The following EPHB1 variants were observed in gnomAD, a reference collection of about 807,000 sequenced individuals.
EPHB1 encodes ephrin type-B receptor 1.
In EPHB1, 30 loss-of-function variants were observed where a neutral mutation model predicts 94.4. The observed-to-expected ratio is 0.32, with a 90% confidence interval of 0.24 to 0.43. The LOEUF is 0.43. Ranked by LOEUF, EPHB1 falls within the 20% of genes least tolerant of loss-of-function variation. The pLI is 1.00. For missense variants in EPHB1, 1,055 were observed against 1,308.3 expected (o/e 0.81, Z 2.99); for synonymous variants, 522 against 489.1 (o/e 1.07, Z -0.89).
intron 3 of EPHB1, among the ~76,000 whole-genome samples, chr3:135,103,368 G>C (rs1007265113): frequency 9.2e-5 from 14 of 152,064 alleles, no homozygotes; most frequent in African/African-American, 3.4e-4. Context: ...CTTCCATTGG[G>C]TTCCAGGATT....
intron 2 of EPHB1, among the ~76,000 whole-genome samples, chr3:134,939,633 C>T (rs115995155): frequency 0.021 from 3,270 of 152,268 alleles, 62 homozygotes; most frequent in Non-Finnish European, 0.032. Flanking sequence ...CTACTGTCTA[C>T]ACGGGAGCTT....
rs1553726147 is a variant in EPHB1, at chr3:135,047,850, T to TGGTG, written c.806-58596_806-58593dup. On this transcript the variant is annotated intron_variant, in intron 3 of 15. Transcript: ENST00000398015. Reference sequence around the variant, plus strand: ...CAAAACTGGAGAGTATATTGACAAATGGTGGAGATGATGCTGTTACACACC... The same window carrying TGGTG: ...CAAAACTGGAGAGTATATTGACAAATGGTGGGTGGAGATGATGCTGTTACACACC... Among the ~76,000 whole-genome samples, 81 of 152,210 alleles carry TGGTG rather than the reference T, an allele frequency of 5.3e-4. 1 individual carries two copies. The highest frequency in any genetic ancestry group is 1.5e-3 in the East Asian group (8 of 5,172).
chr3:134,808,633 G>A (rs765285667), intron 1 of EPHB1, among the ~76,000 whole-genome samples: 6 of 152,198 alleles, frequency 3.9e-5, no homozygotes, highest in African/African-American at 7.2e-5. Flanking sequence ...GGAGGTATCT[G>A]TGGCTGTGAT....
At chr3:134,936,030 C>A (rs1329045496) in intron 2 of EPHB1, among the ~76,000 whole-genome samples, 4 of 152,110 alleles carry the variant, frequency 2.6e-5, no homozygotes, top group Admixed American at 6.5e-5. Context: ...CTGAGACTGA[C>A]CCCAGGCTTG....
intron 9 of EPHB1, among the ~76,000 whole-genome samples, chr3:135,169,957 A>C (rs987970337): frequency 1.2e-4 from 19 of 152,160 alleles, no homozygotes; most frequent in African/African-American, 4.3e-4. Context: ...TCTGAATCCC[A>C]CTGCAGGAGG....
chr3:135,217,803 T>G (rs67400315), intron 12 of EPHB1, among the ~76,000 whole-genome samples: 9,222 of 152,154 alleles, frequency 0.061, 388 homozygotes, highest in East Asian at 0.21. Context: ...TTCTGCAAGA[T>G]TTTCAGGAAA....
intron 6 of EPHB1, among the ~76,000 whole-genome samples, chr3:135,160,019 A>G (rs1941463074): frequency 6.6e-6 from 1 of 152,142 alleles, no homozygotes; most frequent in Non-Finnish European, 1.5e-5. Context: ...TCTCCTCTGA[A>G]GTCTGGGCTG....
chr3:135,198,925 G>A (rs1174240991), intron 11 of EPHB1, among the ~76,000 whole-genome samples: 1 of 152,134 alleles, frequency 6.6e-6, no homozygotes, highest in African/African-American at 2.4e-5. Context: ...ATCCAAATCA[G>A]GTCTGCTGGC....
intron 9 of EPHB1, among the ~76,000 whole-genome samples, chr3:135,168,116 G>A (rs191971388): frequency 6.6e-6 from 1 of 152,328 alleles, no homozygotes; most frequent in Non-Finnish European, 1.5e-5. Context: ...TGCCGACTCG[G>A]GCTGTACAAA....
chr3:134,797,223 C>G (rs527402863), intron 1 of EPHB1, among the ~76,000 whole-genome samples: 1 of 152,118 alleles, frequency 6.6e-6, no homozygotes, highest in Non-Finnish European at 1.5e-5. Context: ...GAGGGGTTTG[C>G]TTTTTGGAAC....
intron 1 of EPHB1, among the ~76,000 whole-genome samples, chr3:134,847,977 C>T (rs528904528): frequency 6.6e-5 from 10 of 152,280 alleles, no homozygotes; most frequent in South Asian, 4.1e-4. Context: ...CTTTAATTAA[C>T]GAACCTTTGC....
chr3:135,226,427 C>A (rs1158890050), intron 12 of EPHB1, among the ~76,000 whole-genome samples: 2 of 152,222 alleles, frequency 1.3e-5, no homozygotes, highest in East Asian at 3.8e-4. Context: ...GACAGACATG[C>A]CCCTGGAGAT....
intron 3 of EPHB1, among the ~76,000 whole-genome samples, chr3:135,060,739 G>C (rs1016844329): frequency 6.6e-6 from 1 of 152,130 alleles, no homozygotes; most frequent in African/African-American, 2.4e-5. Flanking sequence ...ATACCATGGA[G>C]AATGGGGTAT....
intron 15 of EPHB1, among the ~76,000 whole-genome samples, chr3:135,251,981 A>ATTAC (rs1221652700): frequency 6.6e-6 from 1 of 152,196 alleles, no homozygotes; most frequent in Admixed American, 6.5e-5. Flanking sequence ...CCTTGAGCAC[A>ATTAC]TTACTTAATT....
intron 15 of EPHB1, among the ~76,000 whole-genome samples, chr3:135,255,685 G>T (rs961551955): frequency 1.3e-5 from 2 of 151,302 alleles, no homozygotes; most frequent in African/African-American, 4.9e-5. Flanking sequence ...GAAAAAAAGT[G>T]TTTATTCTGT....
chr3:134,882,901 C>A (rs769846306), intron 1 of EPHB1, among the ~76,000 whole-genome samples: 13 of 151,588 alleles, frequency 8.6e-5, no homozygotes, highest in Non-Finnish European at 1.2e-4. Context: ...CAGCTCACTG[C>A]AACCTCTGCC....
At position 135,132,912 on chromosome 3, in the gene EPHB1, C is replaced by T. The variant is rs56396912; in HGVS notation, c.1160C>T (p.Thr387Met). The change falls in exon 5 of 16, where the codon ACG (threonine) becomes ATG (methionine). Residue 387 changes from threonine to methionine, a missense_variant. Transcript: ENST00000398015. ...VEFVPRQLGL[T>M]ECRVSISSLW... is the part of the protein sequence containing the mutation. ...TTTGTGCCCAGGCAGCTGGGCCTGACGGAGTGCCGCGTCTCCATCAGCAGC... is the reference window on the plus strand; with the variant it reads ...TTTGTGCCCAGGCAGCTGGGCCTGATGGAGTGCCGCGTCTCCATCAGCAGC... The T allele has an allele frequency of 8.7e-6, 14 of 1,613,916 alleles. No homozygotes were observed. Among genetic ancestry groups the T allele is most frequent in the Admixed American group, 5.0e-5 (3 of 60,014 alleles).
chr3:135,162,215 G>A, intron 7 of EPHB1, 35 bp downstream of exon 7: 4 of 1,535,280 alleles, frequency 2.6e-6, no homozygotes, highest in South Asian at 2.5e-5. Flanking sequence ...ATAATCACAG[G>A]GCAGGCAGTG....
At chr3:135,071,776 T>TC (rs1937722504) in intron 3 of EPHB1, among the ~76,000 whole-genome samples, 1 of 152,122 alleles carries the variant, frequency 6.6e-6, no homozygotes, top group Non-Finnish European at 1.5e-5. Flanking sequence ...ACTTGACATC[T>TC]CCCCCTGGGT....
Sources: allele counts gnomAD v4.1 joint callset (sites outside exome capture counted in the v4.1 genomes callset), GRCh38; gene constraint gnomAD v4.1.1; transcripts MANE v1.5; gene names NCBI Gene and HGNC (gene_info 2026-07-23, HGNC 2026-07-21).